Variants in PDZD2 observed in about 807,000 individuals in gnomAD.
The protein encoded by PDZD2 is PDZ domain containing 2.
A neutral mutation model predicts 220.7 loss-of-function variants in PDZD2; 90 were observed. The ratio of observed to expected loss-of-function variants is 0.41; its 90% CI spans 0.34 to 0.49. PDZD2 has a LOEUF of 0.49. PDZD2 is among the 20% of genes least tolerant of loss of function. The probability of loss-of-function intolerance (pLI) is 0.28; values close to 1 mark genes in which losing one functional copy is unlikely to be tolerated. For missense variants in PDZD2, 3,174 were observed against 3,608.5 expected, an observed-to-expected ratio of 0.88 and a Z score of 3.08; for synonymous variants, 1,375 against 1,450.5, an observed-to-expected ratio of 0.95 and a Z score of 1.18.
chr5:32,089,297 C>T lies in PDZD2; in HGVS notation c.5849C>T (p.Ala1950Val). ...HEDPDRNTTA[A>V]PRSPQCVLES... The stretch of plus-strand genomic sequence containing the variant: ...GACCCTGACAGAAACACCACAGCTG[C>T]CCCCAGGTCCCCCCAGTGTGTGCTG... The change falls in exon 20 of 25, where the codon GCC (alanine) becomes GTC (valine). Residue 1950 changes from alanine (A) to valine (V), a missense_variant. This residue lies in a region of PDZD2 where 1,861 missense variants were observed against 2,001.0 expected (regional missense o/e 0.93). Coordinates refer to ENST00000438447, the MANE Select transcript of PDZD2 (RefSeq NM_178140.4). 4.3e-6 allele frequency: 7 copies of T among 1,614,008 alleles called. No homozygotes were observed. The highest frequency in any genetic ancestry group is 5.1e-6 in the Non-Finnish European group (6 of 1,179,942).
chr5:31,974,530 G>A (rs542149355), intron 2 of PDZD2, among the ~76,000 whole-genome samples: 14 of 152,192 alleles, frequency 9.2e-5, no homozygotes, highest in Middle Eastern at 3.4e-3. Context: ...ATTATACATC[G>A]AGAACTATGG....
chr5:31,926,797 G>A (rs1437737100), intron 2 of PDZD2, among the ~76,000 whole-genome samples: 1 of 152,132 alleles, frequency 6.6e-6, no homozygotes, highest in East Asian at 1.9e-4. Flanking sequence ...AGTCACAATG[G>A]CAAAGCCATG....
intron 15 of PDZD2, 100 bp downstream of exon 15, chr5:32,069,750 T>TA (rs1182265296): frequency 1.5e-6 from 1 of 685,608 alleles, no homozygotes; most frequent in Non-Finnish European, 2.6e-6. Context: ...TCTTGGTAAT[T>TA]ATCAGGTTTG....
chr5:31,723,854 G>A (rs1411299124), intron 1 of PDZD2, among the ~76,000 whole-genome samples: 1 of 152,074 alleles, frequency 6.6e-6, no homozygotes, highest in Non-Finnish European at 1.5e-5. Flanking sequence ...CTGATCTCAG[G>A]CGATCCGCCC....
At chr5:32,056,163 C>T (rs1414394048) in intron 10 of PDZD2, among the ~76,000 whole-genome samples, 1 of 152,204 alleles carries the variant, frequency 6.6e-6, no homozygotes, top group Non-Finnish European at 1.5e-5. Context: ...AACCTAAAAA[C>T]ATCCACCTCC....
Position 32,087,829 on chromosome 5 carries a change from C to G in PDZD2, c.4381C>G (p.Pro1461Ala). The G allele has an allele frequency of 6.2e-7, 1 of 1,612,212 alleles. No individual in the cohort carries two copies. The highest frequency in any genetic ancestry group is 8.5e-7 in the Non-Finnish European group (1 of 1,179,402). The change falls in exon 20 of 25, where the codon CCA becomes GCA. Residue 1461 changes from proline to alanine, a missense_variant. Physicochemically the swap from Pro to Ala is conservative, Grantham distance 27. This residue lies in a region of PDZD2 where 1,861 missense variants were observed against 2,001.0 expected (regional missense o/e 0.93). Transcript: ENST00000438447. This position sits in a 1 kb window ranked among gnomAD's most constrained non-coding sequence, Gnocchi z 4.0. ...SQEGSAQGHP[P>A]AGAGGGSSCR... ...GGAGGGCAGTGCTCAGGGCCACCCA[C>G]CAGCCGGGGCTGGAGGTGGGAGCTC... is the stretch of plus-strand genomic sequence containing the variant.
At chr5:32,070,684 A>G (rs1740653375) in intron 15 of PDZD2, among the ~76,000 whole-genome samples, 1 of 152,244 alleles carries the variant, frequency 6.6e-6, no homozygotes, top group Non-Finnish European at 1.5e-5. Context: ...AACACTTAGT[A>G]GATATGAAGT....
intron 18 of PDZD2, among the ~76,000 whole-genome samples, chr5:32,075,758 A>G (rs1741227174): frequency 6.6e-6 from 1 of 152,218 alleles, no homozygotes; most frequent in African/African-American, 2.4e-5. Flanking sequence ...ATGACTTATA[A>G]AGCCATATTA....
At chr5:31,770,560 G>T (rs565924505) in intron 1 of PDZD2, among the ~76,000 whole-genome samples, 293 of 152,292 alleles carry the variant, frequency 1.9e-3, no homozygotes, top group African/African-American at 6.8e-3. Context: ...TTATTAACAG[G>T]ACTACAATAC....
intron 2 of PDZD2, among the ~76,000 whole-genome samples, chr5:31,928,581 T>A (rs1581100854): frequency 6.6e-6 from 1 of 151,816 alleles, no homozygotes; most frequent in Admixed American, 6.6e-5. Context: ...GTTCAAGGGG[T>A]TCTCCTGCCT....
chr5:31,845,309 G>A (rs1757525766), intron 2 of PDZD2, among the ~76,000 whole-genome samples: 1 of 152,208 alleles, frequency 6.6e-6, no homozygotes, highest in Non-Finnish European at 1.5e-5. Context: ...GACTTACCCA[G>A]AATCTCACGG....
chr5:31,843,028 T>TGC (rs1332401641), intron 2 of PDZD2, among the ~76,000 whole-genome samples: 2 of 151,624 alleles, frequency 1.3e-5, no homozygotes, highest in Non-Finnish European at 2.9e-5. Flanking sequence ...ATTACAGGCA[T>TGC]GCACCACCAC....
At chr5:31,827,708 T>A (rs58696942) in intron 2 of PDZD2, among the ~76,000 whole-genome samples, 94,093 of 144,898 alleles carry the variant, frequency 0.65, 31,457 homozygotes, top group African/African-American at 0.68. Context: ...AATAAATAAA[T>A]AAAAAAATAA....
intron 2 of PDZD2, among the ~76,000 whole-genome samples, chr5:31,951,374 C>A (rs1747169848): frequency 6.6e-6 from 1 of 152,154 alleles, no homozygotes; most frequent in African/African-American, 2.4e-5. Flanking sequence ...GGCCTTCAGG[C>A]TTCTTATGTA....
rs1392121914 is a variant in PDZD2, at chr5:31,956,555, A to T, written c.477-26600A>T. On this transcript the variant is annotated intron_variant, in intron 2 of 24. Coordinates refer to ENST00000438447, the MANE Select transcript of PDZD2 (RefSeq NM_178140.4). The stretch of plus-strand genomic sequence containing the variant: ...GAGTGAGACTCTGTCTCAAAAAAAA[A>T]AAAATAAATAAAATAAATAAATAAA... 9.8e-5 allele frequency among the ~76,000 whole-genome samples: 14 copies of T among 142,438 alleles called. 1 individual carries two copies. Among genetic ancestry groups the T allele is most frequent in the African/African-American group, 1.5e-4 (6 of 39,768 alleles). The allele number at this position is 142,438 out of a possible 152,430, so 93.4% of individuals were successfully genotyped here.
At chr5:31,882,766 C>T (rs894031626) in intron 2 of PDZD2, among the ~76,000 whole-genome samples, 6 of 151,950 alleles carry the variant, frequency 3.9e-5, no homozygotes, top group African/African-American at 1.4e-4. Flanking sequence ...CAGTGGCTCA[C>T]ATCTAAAATC....
chr5:31,935,984 C>G (rs1366900880), intron 2 of PDZD2: 4 of 476,034 alleles, frequency 8.4e-6, no homozygotes, highest in Non-Finnish European at 2.8e-6. Context: ...TTATAGCAGC[C>G]TGGTTCCAAT....
chr5:31,752,916 G>A (rs949258088), intron 1 of PDZD2, among the ~76,000 whole-genome samples: 2 of 152,078 alleles, frequency 1.3e-5, no homozygotes, highest in South Asian at 2.1e-4. Context: ...CTTCTGAGCT[G>A]AAATGCTCAC....
intron 2 of PDZD2, among the ~76,000 whole-genome samples, chr5:31,886,088 A>G (rs911507414): frequency 3.3e-5 from 5 of 152,084 alleles, no homozygotes; most frequent in African/African-American, 1.2e-4. Context: ...TAGTAGAGAC[A>G]GGGTTTCACC....
Sources: gnomAD v4.1 joint callset for allele counts (sites outside exome capture counted in the v4.1 genomes callset) on GRCh38, gnomAD v4.1.1 for gene constraint, gnomAD v4.1.1 regional missense constraint, Gnocchi (gnomAD v3.1) non-coding constraint, MANE v1.5 for transcripts, NCBI Gene and HGNC (gene_info 2026-07-23, HGNC 2026-07-21) for gene names.